The following METTL25 variants were observed in gnomAD, a reference collection of about 807,000 sequenced individuals.
The protein encoded by METTL25 is methyltransferase like 25, also known as probable methyltransferase-like protein 25.
A neutral mutation model predicts 71.6 loss-of-function variants in METTL25; 64 were observed. The observed-to-expected ratio is 0.89, with a 90% confidence interval of 0.73 to 1.10. METTL25 has a LOEUF of 1.10. Ranked by LOEUF, METTL25 falls within the 50% of genes least tolerant of loss-of-function variation. The pLI, the probability that METTL25 is intolerant of heterozygous loss-of-function variation, is 0.00. For missense variants in METTL25, 807 were observed against 707.0 expected, an observed-to-expected ratio of 1.14 and a Z score of -1.60; for synonymous variants, 287 against 250.3, an observed-to-expected ratio of 1.15 and a Z score of -1.38.
intron 8 of METTL25, among the ~76,000 whole-genome samples, chr12:82,444,360 G>A (rs1890592362): frequency 6.6e-6 from 1 of 152,114 alleles, no homozygotes; most frequent in South Asian, 2.1e-4. Flanking sequence ...GAAGCTGAAG[G>A]AATTTATTAC....
chr12:82,428,053 A>C (rs898647517), intron 5 of METTL25, among the ~76,000 whole-genome samples: 2 of 151,904 alleles, frequency 1.3e-5, no homozygotes, highest in African/African-American at 4.8e-5. Context: ...GCATGGTCTT[A>C]GTTTGCTTGG....
At position 82,385,629 on chromosome 12, in the gene METTL25, A is replaced by T. The variant is rs74105485; in HGVS notation, c.260-1174A>T. On this transcript the variant is annotated intron_variant, in intron 1 of 11. Transcript: ENST00000248306. ...TTAAATAAATTAACTTGCCTTAAAA[A>T]TGGCCATAGAACAATGAGATTGAAC... Among the ~76,000 whole-genome samples the T allele has an allele frequency of 4.0e-3, 613 of 152,336 alleles. 3 individuals carry two copies. The highest frequency in any genetic ancestry group is 0.014 in the African/African-American group (588 of 41,582).
chr12:82,409,665 G>A (rs1201168738), intron 5 of METTL25, among the ~76,000 whole-genome samples: 5 of 151,938 alleles, frequency 3.3e-5, no homozygotes, highest in African/African-American at 1.2e-4. Flanking sequence ...TAGACCCAGG[G>A]CATCTTCTAG....
chr12:82,440,250 T>C (rs1890218583), intron 8 of METTL25, among the ~76,000 whole-genome samples: 1 of 152,096 alleles, frequency 6.6e-6, no homozygotes, highest in Non-Finnish European at 1.5e-5. Context: ...TCTCTTAGGA[T>C]CCTTACTACA....
At chr12:82,413,222 C>T (rs983571570) in intron 5 of METTL25, among the ~76,000 whole-genome samples, 1 of 151,706 alleles carries the variant, frequency 6.6e-6, no homozygotes, top group African/African-American at 2.4e-5. Context: ...AACATAAGAG[C>T]CAATTTAGTA....
At chr12:82,431,339 T>C (rs1300454989) in intron 6 of METTL25, among the ~76,000 whole-genome samples, 1 of 151,588 alleles carries the variant, frequency 6.6e-6, no homozygotes, top group Non-Finnish European at 1.5e-5. Context: ...GAAGTAACTA[T>C]CTAATTAAAT....
intron 2 of METTL25, among the ~76,000 whole-genome samples, chr12:82,389,291 T>C (rs1885352368): frequency 6.6e-6 from 1 of 152,114 alleles, no homozygotes; most frequent in African/African-American, 2.4e-5. Context: ...GAATGTTAAT[T>C]TTCAATTATA....
chr12:82,376,573 T>G (rs1883881078), intron 1 of METTL25, among the ~76,000 whole-genome samples: 1 of 152,230 alleles, frequency 6.6e-6, no homozygotes, highest in South Asian at 2.1e-4. Flanking sequence ...TTGACAACGG[T>G]TATTTCTCAA....
At chr12:82,363,142 G>A (rs1362615399) in intron 1 of METTL25, among the ~76,000 whole-genome samples, 2 of 152,168 alleles carry the variant, frequency 1.3e-5, no homozygotes, top group African/African-American at 4.8e-5. Context: ...TCTAAGATCT[G>A]AGTATAAACG....
chr12:82,364,668 A>G (rs746597782), intron 1 of METTL25, among the ~76,000 whole-genome samples: 38 of 152,218 alleles, frequency 2.5e-4, no homozygotes, highest in Non-Finnish European at 4.9e-4. Flanking sequence ...ATGTATACAT[A>G]GCACCTAGCA....
intron 3 of METTL25, among the ~76,000 whole-genome samples, chr12:82,396,759 T>C (rs1044825279): frequency 5.9e-5 from 9 of 152,086 alleles, no homozygotes; most frequent in African/African-American, 2.2e-4. Flanking sequence ...TGTGATTTTG[T>C]AGGATATTTT....
At chr12:82,468,659 C>T (rs1427625743) in intron 9 of METTL25, 3 of 152,064 alleles carry the variant, frequency 2.0e-5, no homozygotes, top group Non-Finnish European at 4.4e-5. Flanking sequence ...TTAGTAGATC[C>T]CATGTCACCT....
intron 2 of METTL25, among the ~76,000 whole-genome samples, chr12:82,388,551 G>A (rs1046670435): frequency 6.6e-6 from 1 of 151,950 alleles, no homozygotes; most frequent in African/African-American, 2.4e-5. Context: ...TGCATCAAGG[G>A]TATAAATCCT....
chr12:82,402,171 A>G (rs922909470), intron 4 of METTL25, among the ~76,000 whole-genome samples: 1 of 152,108 alleles, frequency 6.6e-6, no homozygotes, highest in Non-Finnish European at 1.5e-5. Context: ...TACGATGTAT[A>G]CTATAAAATT....
Position 82,438,758 on chromosome 12 carries a change from A to G in METTL25, c.1445A>G (p.Asp482Gly). The change falls in exon 8 of 12, where the codon GAT becomes GGT. Residue 482 changes from aspartate to glycine, a missense_variant. Coordinates refer to ENST00000248306, the MANE Select transcript of METTL25 (RefSeq NM_032230.3). ...CTCTTCTATCGTGCTGTTCTTCAGGATATTATTAAAGATTGTTATGGCATC... is the reference window on the plus strand; with the variant it reads ...CTCTTCTATCGTGCTGTTCTTCAGGGTATTATTAAAGATTGTTATGGCATC... ...ESLFYRAVLQ[D>G]IIKDCYGITK... 6.5e-7 allele frequency: 1 copy of G among 1,541,956 alleles called. No individual in the cohort carries two copies. Among genetic ancestry groups the G allele is most frequent in the Non-Finnish European group, 8.8e-7 (1 of 1,133,576 alleles).
At chr12:82,395,958 G>T (rs915354905) in intron 3 of METTL25, among the ~76,000 whole-genome samples, 1 of 152,080 alleles carries the variant, frequency 6.6e-6, no homozygotes, top group African/African-American at 2.4e-5. Context: ...TTAAAGTCAA[G>T]ATTTACAGTT....
chr12:82,462,268 A>T (rs544619977), intron 9 of METTL25, among the ~76,000 whole-genome samples: 1 of 152,280 alleles, frequency 6.6e-6, no homozygotes, highest in South Asian at 2.1e-4. Flanking sequence ...ATGATACAAG[A>T]CCATGAATAT....
At chr12:82,441,410 G>T (rs571157498) in intron 8 of METTL25, among the ~76,000 whole-genome samples, 108 of 151,794 alleles carry the variant, frequency 7.1e-4, no homozygotes, top group Non-Finnish European at 1.3e-3. Context: ...GTACCCTTAG[G>T]AAAGCCAGAG....
At position 82,403,042 on chromosome 12, in the gene METTL25, A is replaced by G. The variant is rs374095144; in HGVS notation, c.1191A>G (p.Ile397Met). 23 of 1,613,284 alleles carry G rather than the reference A, an allele frequency of 1.4e-5. No individual in the cohort carries two copies. Among genetic ancestry groups the G allele is most frequent in the Non-Finnish European group, 1.9e-5 (22 of 1,179,526 alleles). Residue 397 changes from isoleucine to methionine, a missense_variant, in exon 5 of 12, where the codon ATA (isoleucine) becomes ATG (methionine). Physicochemically the swap from Ile to Met is conservative, Grantham distance 10. Coordinates refer to ENST00000248306, the MANE Select transcript of METTL25 (RefSeq NM_032230.3). The stretch of plus-strand genomic sequence containing the variant: ...ATCTGGCTCCAAATACTTTGCGAAT[A>G]TTTACCTCCAACTCTGAAATCAAGG... ...CGDLAPNTLR[I>M]FTSNSEIKGV...
Sources: allele counts gnomAD v4.1 joint callset (sites outside exome capture counted in the v4.1 genomes callset), GRCh38; gene constraint gnomAD v4.1.1; transcripts MANE v1.5; gene names NCBI Gene and HGNC (gene_info 2026-07-23, HGNC 2026-07-21).